The following CYP2S1 variants were observed in gnomAD, a reference collection of about 807,000 sequenced individuals.
CYP2S1 encodes cytochrome P450 2S1.
In CYP2S1, 32 loss-of-function variants were observed where a neutral mutation model predicts 43.5. The ratio of observed to expected loss-of-function variants is 0.74; its 90% CI spans 0.56 to 0.99. The LOEUF (loss-of-function observed/expected upper bound fraction) is 0.99. Ranked by LOEUF, CYP2S1 falls within the 50% of genes least tolerant of loss-of-function variation. The pLI is 0.00. For missense variants in CYP2S1, 575 were observed against 673.9 expected (o/e 0.85, Z 1.62); for synonymous variants, 283 against 302.9 (o/e 0.93, Z 0.68).
intron 5 of CYP2S1, among the ~76,000 whole-genome samples, chr19:41,199,288 A>G (rs1044913306): frequency 6.6e-6 from 1 of 152,134 alleles, no homozygotes; most frequent in Non-Finnish European, 1.5e-5. Context: ...TATGTGAATT[A>G]TGGTCATTTA....
At position 41,199,996 on chromosome 19, in the gene CYP2S1, A is replaced by G. The variant is rs371280020; in HGVS notation, c.834+1108A>G. ...AAAAAAAAAAAAAAAGAAAAAAAGA[A>G]AAAAGACACCATGCCCTATAAGTAA... On this transcript the variant is annotated intron_variant, in intron 5 of 8. Transcript: ENST00000310054. Among the ~76,000 whole-genome samples the G allele has an allele frequency of 2.4e-4, 36 of 151,832 alleles. 1 individual carries two copies. Among genetic ancestry groups the G allele is most frequent in the African/African-American group, 8.4e-4 (35 of 41,464 alleles).
At chr19:41,193,615 C>T (rs1270692095) in intron 1 of CYP2S1, 174 bp downstream of exon 1, 1 of 1,261,360 alleles carries the variant, frequency 7.9e-7, no homozygotes, top group Non-Finnish European at 1.0e-6. Context: ...TTGTCCAGGG[C>T]TGAGAAGGGG....
At position 41,197,856 on chromosome 19, in the gene CYP2S1, G is replaced by GGGAA; in HGVS notation, c.423_426dup (p.Arg143GlufsTer53). 6.2e-7 allele frequency: 1 copy of GGGAA among 1,614,154 alleles called. No homozygotes were observed. Among genetic ancestry groups the GGGAA allele is most frequent in the Non-Finnish European group, 8.5e-7 (1 of 1,180,036 alleles). On this transcript the variant is annotated frameshift_variant, in exon 3 of 9. Transcript: ENST00000310054. LOFTEE classifies it high-confidence loss of function. ...GCTTGCTCTGCGGGACCTGGGCATGGGGAAGCGAGAAGGCGAGGAGCTGAT... is the reference window on the plus strand; with the variant it reads ...GCTTGCTCTGCGGGACCTGGGCATGGGGAAGGAAGCGAGAAGGCGAGGAGCTGAT...
intron 2 of CYP2S1, among the ~76,000 whole-genome samples, chr19:41,195,569 T>C (rs796326010): frequency 3.5e-4 from 53 of 152,074 alleles, no homozygotes; most frequent in African/African-American, 1.2e-3. Context: ...AGGGAAGCCC[T>C]GGGACTGTAG....
At chr19:41,202,547 T>C (rs1004366651) in intron 6 of CYP2S1, among the ~76,000 whole-genome samples, 1 of 152,044 alleles carries the variant, frequency 6.6e-6, no homozygotes. Flanking sequence ...CCCAGCACTT[T>C]GGGAGGCTGA....
In CYP2S1 at chr19:41,206,268, TCTC is replaced by T. The variant is rs1568402966; in HGVS notation, c.1307-8_1307-6del. On this transcript the variant is annotated splice_polypyrimidine_tract_variant and intron_variant, in intron 8 of 8. Coordinates refer to ENST00000310054, the MANE Select transcript of CYP2S1 (RefSeq NM_030622.8). ...ACTGACTCAGCCCTCTCTCTCTCTCTCTCCTCACCAGGGAAGCGTGTCTGCCTT... is the reference window on the plus strand; with the variant it reads ...ACTGACTCAGCCCTCTCTCTCTCTCTCTCACCAGGGAAGCGTGTCTGCCTT... 2.5e-6 allele frequency: 4 copies of T among 1,613,710 alleles called. No homozygotes were observed. The Admixed American group carries it at 5.0e-5, about 20-fold the overall frequency.
Position 41,198,011 on chromosome 19 carries a change from C to G in CYP2S1, c.493+83C>G. On this transcript the variant is annotated intron_variant, in intron 3 of 8. Transcript: ENST00000310054. The surrounding 1 kb of genome is among the most constrained non-coding windows in gnomAD (Gnocchi z 4.9). ...ACTGTGGCTGGGGGTGGCCCCAACC[C>G]AGGTCCTGGAATGGGCAGGAGGGGA... 2 of 1,488,946 alleles carry G rather than the reference C, an allele frequency of 1.3e-6. No individual in the cohort carries two copies. The highest frequency in any genetic ancestry group is 1.8e-6 in the Non-Finnish European group (2 of 1,118,996). 92.2% of individuals were successfully genotyped at this position (1,488,946 alleles called of 1,614,324 possible). A position where few individuals can be genotyped will look rare whatever the true frequency, so the allele number is the denominator to read the frequency against.
In CYP2S1 at chr19:41,198,803, G is replaced by T; in HGVS notation, c.749G>T (p.Arg250Leu). 1.2e-6 allele frequency: 2 copies of T among 1,614,166 alleles called. No individual in the cohort carries two copies. The highest frequency in any genetic ancestry group is 1.7e-6 in the Non-Finnish European group (2 of 1,180,034). Reference sequence around the variant, plus strand: ...AGCACCTTGGCTGCCTTCACAGTCCGGCAGGTGCAGCAGCACCAGGGGAAC... The same window carrying T: ...AGCACCTTGGCTGCCTTCACAGTCCTGCAGGTGCAGCAGCACCAGGGGAAC... The part of the protein sequence containing the change: ...HVSTLAAFTV[R>L]QVQQHQGNLD... The change falls in exon 5 of 9, where the codon CGG (arginine) becomes CTG (leucine). Residue 250 changes from arginine to leucine, a missense_variant. Physicochemically the swap from Arg to Leu is moderately radical, Grantham distance 102 (BLOSUM62 -2). Around this residue, in one of 2 missense-constraint regions of CYP2S1, gnomAD observed 353 missense variants for 367.6 expected, o/e 0.96. Coordinates refer to ENST00000310054, the MANE Select transcript of CYP2S1 (RefSeq NM_030622.8). The surrounding 1 kb of genome is among the most constrained non-coding windows in gnomAD (Gnocchi z 4.9).
Position 41,207,248 on chromosome 19 carries a change from CTT to C in CYP2S1, c.*762_*763del, listed in dbSNP as rs931388920. On this transcript the variant is annotated 3_prime_UTR_variant, in exon 9 of 9. Transcript: ENST00000310054. ...CTGGGTCTGCGATTATGCACAGAGA[CTT>C]TGGACATACGAGGACCCTCAGACCG... The C allele has an allele frequency of 3.5e-5, 8 of 227,540 alleles. No individual in the cohort carries two copies. Among genetic ancestry groups the C allele is most frequent in the Admixed American group, 1.5e-4 (3 of 19,462 alleles). 14.1% of individuals were successfully genotyped at this position (227,540 alleles called of 1,614,324 possible).
intron 7 of CYP2S1, among the ~76,000 whole-genome samples, chr19:41,205,151 A>G (rs2033546290): frequency 6.6e-6 from 1 of 151,994 alleles, no homozygotes; most frequent in South Asian, 2.1e-4. Flanking sequence ...TGCTTTGCAT[A>G]TCTATTATCT....
intron 1 of CYP2S1, among the ~76,000 whole-genome samples, chr19:41,194,315 G>A (rs190646019): frequency 3.9e-5 from 6 of 152,192 alleles, no homozygotes; most frequent in Middle Eastern, 3.4e-3. Flanking sequence ...GCAAGGGAAC[G>A]ACAGGAAGTT....
chr19:41,206,915 G>A lies in CYP2S1; in HGVS notation c.*427G>A. ...GAACTTCTCAGTGTCCCTGTCCCTG[G>A]TGCCTGGCACAGGGAACAGCATGCC... On this transcript the variant is annotated 3_prime_UTR_variant, in exon 9 of 9. Coordinates refer to ENST00000310054, the MANE Select transcript of CYP2S1 (RefSeq NM_030622.8). 1.5e-5 allele frequency: 6 copies of A among 405,186 alleles called. No homozygotes were observed. The highest frequency in any genetic ancestry group is 1.1e-4 in the South Asian group (6 of 54,670). 25.1% of individuals were successfully genotyped at this position (405,186 alleles called of 1,614,324 possible). A position where few individuals can be genotyped will look rare whatever the true frequency, so the allele number is the denominator to read the frequency against.
chr19:41,194,637 C>CT lies in CYP2S1; in HGVS notation c.272dup (p.Gly93ArgfsTer4). The CT allele has an allele frequency of 1.2e-6, 2 of 1,612,434 alleles. No homozygotes were observed. Among genetic ancestry groups the CT allele is most frequent in the Non-Finnish European group, 1.7e-6 (2 of 1,179,310 alleles). On this transcript the variant is annotated frameshift_variant, in exon 2 of 9. Transcript: ENST00000310054. LOFTEE classifies it high-confidence loss of function. ...TGGGCAGGAGGCTGTGCGGGAGGCCCTGGGAGGTCAGGCTGAGGAGTTCAG... is the reference window on the plus strand; with the variant it reads ...TGGGCAGGAGGCTGTGCGGGAGGCCCTTGGGAGGTCAGGCTGAGGAGTTCAG...
Position 41,193,246 on chromosome 19 carries a change from A to T in CYP2S1, c.-19A>T. 2 of 1,523,424 alleles carry T rather than the reference A, an allele frequency of 1.3e-6. No individual in the cohort carries two copies. Among genetic ancestry groups the T allele is most frequent in the Non-Finnish European group, 1.8e-6 (2 of 1,140,810 alleles). 94.4% of individuals were successfully genotyped at this position (1,523,424 alleles called of 1,614,324 possible). A position where few individuals can be genotyped will look rare whatever the true frequency, so the allele number is the denominator to read the frequency against. On this transcript the variant is annotated 5_prime_UTR_variant, in exon 1 of 9. Transcript: ENST00000310054. ...CCGCGCGGAGCGCCTGGGAGAGGAG[A>T]AGGAGCCGACCTGCCGAGATGGAGG...
In CYP2S1 at chr19:41,206,756, A is replaced by G. The variant is rs766970740; in HGVS notation, c.*268A>G. 8.7e-6 allele frequency: 6 copies of G among 690,556 alleles called. No homozygotes were observed. In the African/African-American group the frequency reaches 1.0e-4, roughly 12 times the overall value. 42.8% of individuals were successfully genotyped at this position (690,556 alleles called of 1,614,324 possible). On this transcript the variant is annotated 3_prime_UTR_variant, in exon 9 of 9. Coordinates refer to ENST00000310054, the MANE Select transcript of CYP2S1 (RefSeq NM_030622.8). Reference sequence around the variant, plus strand: ...CAGACATAAATATAGTCCATCTGCAATCACAAGCACATAGCCAGGTAACCC... The same window carrying G: ...CAGACATAAATATAGTCCATCTGCAGTCACAAGCACATAGCCAGGTAACCC...
chr19:41,203,976 C>T (rs1006744610), intron 7 of CYP2S1, among the ~76,000 whole-genome samples: 2 of 152,114 alleles, frequency 1.3e-5, no homozygotes, highest in Non-Finnish European at 2.9e-5. Flanking sequence ...ATTCTCCTGC[C>T]TCAGCCTCCT....
At chr19:41,201,484 T>C in intron 6 of CYP2S1, 112 bp downstream of exon 6, 2 of 1,447,876 alleles carry the variant, frequency 1.4e-6, no homozygotes, top group South Asian at 2.8e-5. Flanking sequence ...GGCGGGCTGA[T>C]CACTTGAGAA....
At chr19:41,203,259 GAGAGAGAGA>G (rs1210379124) in intron 6 of CYP2S1, among the ~76,000 whole-genome samples, 182 bp from the exon 7 acceptor site, 3 of 151,996 alleles carry the variant, frequency 2.0e-5, no homozygotes, top group African/African-American at 7.2e-5. Context: ...AATAAAATAA[GAGAGAGAGA>G]AGATAGATGG....
intron 1 of CYP2S1, chr19:41,193,692 T>C: frequency 1.6e-6 from 1 of 621,250 alleles, no homozygotes; most frequent in Non-Finnish European, 2.3e-6. Flanking sequence ...GACCTCTGCC[T>C]ACAGAATCCT....
Sources: gnomAD v4.1 joint callset for allele counts (sites outside exome capture counted in the v4.1 genomes callset) on GRCh38, gnomAD v4.1.1 for gene constraint, gnomAD v4.1.1 regional missense constraint, Gnocchi (gnomAD v3.1) non-coding constraint, MANE v1.5 for transcripts, NCBI Gene and HGNC (gene_info 2026-07-23, HGNC 2026-07-21) for gene names.